The following USP34 variants were observed in gnomAD, a reference collection of about 807,000 sequenced individuals.
The protein encoded by USP34 is ubiquitin specific peptidase 34.
Under a neutral mutation model 460.3 loss-of-function variants are expected in USP34, and 70 were observed. The observed-to-expected ratio is 0.15, with a 90% CI of 0.13 to 0.19. The LOEUF (loss-of-function observed/expected upper bound fraction) is 0.19, where lower values mean the gene tolerates loss of function less well. Ranked by LOEUF, USP34 falls within the 10% of genes least tolerant of loss-of-function variation. USP34 has a pLI of 1.00. For synonymous variants in USP34, 1,647 were observed against 1,405.3 expected (o/e 1.17, Z -3.85); for missense variants, 3,985 against 4,236.2 (o/e 0.94, Z 1.65).
chr2:61,198,075 C>CATAATATTAAAATA (rs1182683068), intron 75 of USP34, among the ~76,000 whole-genome samples: 1 of 152,114 alleles, frequency 6.6e-6, no homozygotes, highest in Non-Finnish European at 1.5e-5. Flanking sequence ...ACCAGTTTTC[C>CATAATATTAAAATA]ATAATATTAA....
At chr2:61,450,086 C>A (rs903390591) in intron 1 of USP34, among the ~76,000 whole-genome samples, 1 of 110,196 alleles carries the variant, frequency 9.1e-6, no homozygotes, top group African/African-American at 3.8e-5. Context: ...AATAAAAATA[C>A]AAAAAGTCTT....
chr2:61,194,588 C>T (rs374538984), intron 75 of USP34, among the ~76,000 whole-genome samples: 3 of 152,184 alleles, frequency 2.0e-5, no homozygotes, highest in South Asian at 2.1e-4. Context: ...AGCCTTGAAC[C>T]GCTGTGCTCA....
At chr2:61,326,091 C>G (rs962783174) in intron 20 of USP34, among the ~76,000 whole-genome samples, 3 of 151,836 alleles carry the variant, frequency 2.0e-5, no homozygotes, top group Non-Finnish European at 2.9e-5. Context: ...GTGGTCGGCC[C>G]CAAAGTCAGA....
intron 1 of USP34, among the ~76,000 whole-genome samples, chr2:61,467,818 T>C (rs1390542356): frequency 6.6e-6 from 1 of 151,944 alleles, no homozygotes; most frequent in Non-Finnish European, 1.5e-5. Flanking sequence ...AGATGGGGTT[T>C]CACCATATTG....
intron 25 of USP34, 144 bp downstream of exon 25, chr2:61,314,441 C>CT (rs1437466345): frequency 4.5e-6 from 3 of 670,836 alleles, no homozygotes; most frequent in Non-Finnish European, 6.6e-6. Context: ...ATAAAAATTA[C>CT]TTATGTTACT....
intron 2 of USP34, among the ~76,000 whole-genome samples, chr2:61,419,231 G>C (rs1694288981): frequency 6.6e-6 from 1 of 151,908 alleles, no homozygotes; most frequent in Admixed American, 6.6e-5. Context: ...CTGTAGCCCA[G>C]GCTGGTCTCG....
chr2:61,202,139 G>A (rs1686993782), intron 75 of USP34, among the ~76,000 whole-genome samples: 1 of 152,172 alleles, frequency 6.6e-6, no homozygotes, highest in African/African-American at 2.4e-5. Flanking sequence ...AATTATCCCT[G>A]ACAGCTGTTA....
intron 5 of USP34, among the ~76,000 whole-genome samples, chr2:61,389,962 T>C (rs527463415): frequency 6.6e-6 from 1 of 152,246 alleles, no homozygotes; most frequent in Admixed American, 6.5e-5. Context: ...GAAAACTTAA[T>C]TTCCTATTCT....
At position 61,470,751 on chromosome 2, in the gene USP34, G is replaced by C. The variant is rs1695934225; in HGVS notation, c.-59C>G. ...GGATCACACTGACTGATCCCGACCG[G>C]CGGGGGGGAGGGGAGAGAGGCGGAG... On this transcript the variant is annotated 5_prime_UTR_variant, in exon 1 of 80. Coordinates refer to ENST00000398571, the MANE Select transcript of USP34 (RefSeq NM_014709.4). 2.0e-6 allele frequency: 3 copies of C among 1,480,904 alleles called. No individual in the cohort carries two copies. Among genetic ancestry groups the C allele is most frequent in the South Asian group, 1.2e-5 (1 of 84,278 alleles). The allele number at this position is 1,480,904 out of a possible 1,614,324, so 91.7% of individuals were successfully genotyped here.
chr2:61,267,608 A>T lies in USP34; in HGVS notation c.5434-1441T>A, dbSNP rs1476627382. On this transcript the variant is annotated intron_variant, in intron 41 of 79. Coordinates refer to ENST00000398571, the MANE Select transcript of USP34 (RefSeq NM_014709.4). ...CAGGCACCTGCCACTACACCCAGCT[A>T]ATTTTTTGTGGTTTTGTTTGTTTGA... Among the ~76,000 whole-genome samples the T allele has an allele frequency of 4.0e-5, 6 of 151,536 alleles. No individual in the cohort carries two copies. The East Asian group carries it at 7.8e-4, about 20-fold the overall frequency.
At chr2:61,442,121 T>A (rs926332598) in intron 1 of USP34, among the ~76,000 whole-genome samples, 3 of 151,934 alleles carry the variant, frequency 2.0e-5, no homozygotes, top group African/African-American at 4.8e-5. Context: ...AACAATCAAC[T>A]CAAAATGGCT....
intron 51 of USP34, among the ~76,000 whole-genome samples, chr2:61,244,758 G>C (rs1688375846): frequency 6.6e-6 from 1 of 152,014 alleles, no homozygotes; most frequent in Non-Finnish European, 1.5e-5. Flanking sequence ...CTTAGCTCAA[G>C]CCAACTTCCT....
intron 41 of USP34, 21 bp downstream of exon 41, chr2:61,278,144 T>C: frequency 1.2e-6 from 2 of 1,608,696 alleles, no homozygotes; most frequent in Non-Finnish European, 1.7e-6. Flanking sequence ...CATAGAAACA[T>C]TTGATTATCT....
chr2:61,393,084 A>C (rs1259132236), intron 5 of USP34, among the ~76,000 whole-genome samples: 1 of 152,180 alleles, frequency 6.6e-6, no homozygotes, highest in African/African-American at 2.4e-5. Context: ...ACCTCAAAAC[A>C]ATCCTCTAAA....
chr2:61,249,031 C>A (rs1375836377), intron 48 of USP34, among the ~76,000 whole-genome samples: 2 of 151,684 alleles, frequency 1.3e-5, no homozygotes, highest in Non-Finnish European at 2.9e-5. Context: ...CGTATGTTTT[C>A]TTTCCCTATT....
In USP34 at chr2:61,387,793, TAA is replaced by T. The variant is rs994916574; in HGVS notation, c.754-4459_754-4458del. Reference sequence around the variant, plus strand: ...ATATATTTTTACGTATACACACATGTAAAAATATATTTTACGTATACACACAT... The same window carrying T: ...ATATATTTTTACGTATACACACATGTAAATATATTTTACGTATACACACAT... On this transcript the variant is annotated intron_variant, in intron 5 of 79. Transcript: ENST00000398571. Among the ~76,000 whole-genome samples, 27 of 149,176 alleles carry T rather than the reference TAA, an allele frequency of 1.8e-4. 1 individual carries two copies. The highest frequency in any genetic ancestry group is 2.1e-4 in the South Asian group (1 of 4,774).
rs777335191 is a variant in USP34 at position 61,278,230 on chromosome 2, G to C, written c.5368C>G (p.Leu1790Val). Residue 1790 changes from leucine (L) to valine (V), a missense_variant, in exon 41 of 80, where the codon CTC (leucine) becomes GTC (valine). Transcript: ENST00000398571. ...GNVEDDGLTG[L>V]LRLATSVVKH... The stretch of plus-strand genomic sequence containing the variant: ...ACAACACTTGTTGCAAGCCTTAGGA[G>C]TCCTGTAAGCCCATCATCTTCTACA... 6.8e-6 allele frequency: 11 copies of C among 1,613,588 alleles called. No homozygotes were observed. The Admixed American group carries it at 1.7e-4, about 24-fold the overall frequency.
In USP34 at chr2:61,224,098, T is replaced by A. The variant is rs1687665156; in HGVS notation, c.7596-802A>T. The stretch of plus-strand genomic sequence containing the variant: ...AATAATTCCGCACTGTCATACAATA[T>A]CCAGCGTACACATTTCCTGAAGTTT... On this transcript the variant is annotated intron_variant, in intron 62 of 79. Coordinates refer to ENST00000398571, the MANE Select transcript of USP34 (RefSeq NM_014709.4). Among the ~76,000 whole-genome samples, 3 of 152,206 alleles carry A rather than the reference T, an allele frequency of 2.0e-5. No individual in the cohort carries two copies. The South Asian group carries it at 6.2e-4, about 32-fold the overall frequency.
At chr2:61,268,254 G>C (rs1192168143) in intron 41 of USP34, among the ~76,000 whole-genome samples, 1 of 151,684 alleles carries the variant, frequency 6.6e-6, no homozygotes, top group Admixed American at 6.6e-5. Flanking sequence ...ACTGGGCCGG[G>C]TACAATGGCT....
Sources: allele counts gnomAD v4.1 joint callset (sites outside exome capture counted in the v4.1 genomes callset), GRCh38; gene constraint gnomAD v4.1.1; transcripts MANE v1.5; gene names NCBI Gene and HGNC (gene_info 2026-07-23, HGNC 2026-07-21).